IFT25: variants seen among roughly 807,000 people sequenced by gnomAD.
The protein encoded by IFT25 is intraflagellar transport 25.
the IFT25 span, chr1:53,923,656 G>A: frequency 5.3e-6 from 2 of 374,072 alleles, no homozygotes; most frequent in African/African-American, 4.2e-5. Flanking sequence ...GTAAATGAAT[G>A]AGAAAAATAA....
chr1:53,921,459 A>C, the IFT25 span: 1 of 532,090 alleles, frequency 1.9e-6, no homozygotes, highest in African/African-American at 1.9e-5. Context: ...CTGAAGCCAA[A>C]CCTTTCTAAT....
the IFT25 span, among the ~76,000 whole-genome samples, chr1:53,933,815 G>A: frequency 2.0e-5 from 3 of 151,802 alleles, no homozygotes; most frequent in African/African-American, 7.3e-5. Context: ...TCCTGTTTCT[G>A]AGTGAATAAT....
chr1:53,912,325 A>C, the IFT25 span, among the ~76,000 whole-genome samples: 3 of 152,218 alleles, frequency 2.0e-5, no homozygotes, highest in African/African-American at 7.2e-5. Context: ...ATTCTCTTCA[A>C]CTTAATGCAT....
chr1:53,918,276 T>C, the IFT25 span, among the ~76,000 whole-genome samples: 1 of 152,202 alleles, frequency 6.6e-6, no homozygotes, highest in African/African-American at 2.4e-5. Context: ...TTTAAATAAA[T>C]ATATTGTTAA....
At chr1:53,933,966 T>C in the IFT25 span, among the ~76,000 whole-genome samples, 1 of 152,216 alleles carries the variant, frequency 6.6e-6, no homozygotes, top group African/African-American at 2.4e-5. Flanking sequence ...TTTTGTGCCA[T>C]TGTTGTCATA....
the IFT25 span, chr1:53,921,584 G>T: frequency 1.1e-6 from 1 of 874,614 alleles, no homozygotes; most frequent in Non-Finnish European, 1.9e-6. Context: ...TTTTAATAAA[G>T]TATATCAGTG....
At chr1:53,912,387 C>T in the IFT25 span, among the ~76,000 whole-genome samples, 6 of 152,230 alleles carry the variant, frequency 3.9e-5, no homozygotes, top group Non-Finnish European at 5.9e-5. Context: ...CAAAGATGGA[C>T]GAGGAAGAGC....
chr1:53,932,287 T>A, the IFT25 span, among the ~76,000 whole-genome samples: 1 of 151,506 alleles, frequency 6.6e-6, no homozygotes, highest in Admixed American at 6.6e-5. Flanking sequence ...TGAGCTGAGA[T>A]TGCACCACTG....
chr1:53,911,738 A>G, the IFT25 span, among the ~76,000 whole-genome samples: 1 of 152,130 alleles, frequency 6.6e-6, no homozygotes, highest in Non-Finnish European at 1.5e-5. Flanking sequence ...CTCTAACTTC[A>G]AGGCCAGAGT....
chr1:53,929,920 A>G, the IFT25 span: 5 of 1,364,204 alleles, frequency 3.7e-6, no homozygotes, highest in Admixed American at 3.8e-5. Flanking sequence ...TGTTTTGCCA[A>G]AAGTTTACAT....
chr1:53,912,355 CT>C, the IFT25 span, among the ~76,000 whole-genome samples: 1 of 152,178 alleles, frequency 6.6e-6, no homozygotes, highest in South Asian at 2.1e-4. Flanking sequence ...AGCATTGATT[CT>C]TTTCTGGGTG....
the IFT25 span, among the ~76,000 whole-genome samples, chr1:53,941,579 C>CT: frequency 1.3e-5 from 2 of 152,102 alleles, no homozygotes; most frequent in South Asian, 4.1e-4. Flanking sequence ...GTTTTCGACA[C>CT]TATTGATACC....
the IFT25 span, chr1:53,945,835 T>TGCCCTCAGCCCCGCCCCACCCC: frequency 4.3e-5 from 1 of 23,240 alleles, no homozygotes; most frequent in Non-Finnish European, 8.6e-5. Context: ...GGCCCCGCCC[T>TGCCCTCAGCCCCGCCCCACCCC]GCCCTCAGCC....
At chr1:53,945,196 G>A in the IFT25 span, among the ~76,000 whole-genome samples, 3 of 152,174 alleles carry the variant, frequency 2.0e-5, no homozygotes, top group Admixed American at 6.5e-5. Context: ...ATATATAAAT[G>A]CCCCCGACCT....
At chr1:53,912,753 C>T in the IFT25 span, among the ~76,000 whole-genome samples, 1 of 152,190 alleles carries the variant, frequency 6.6e-6, no homozygotes, top group African/African-American at 2.4e-5. Flanking sequence ...CAGTTGCTAG[C>T]CATAGGCCAG....
the IFT25 span, among the ~76,000 whole-genome samples, chr1:53,917,471 A>G: frequency 6.6e-6 from 1 of 152,184 alleles, no homozygotes; most frequent in Non-Finnish European, 1.5e-5. Context: ...TAAAGCCAGT[A>G]TCACACATAG....
At chr1:53,924,119 A>C in the IFT25 span, among the ~76,000 whole-genome samples, 2 of 152,220 alleles carry the variant, frequency 1.3e-5, no homozygotes, top group African/African-American at 4.8e-5. Context: ...TATGATACAC[A>C]AGGCAAAAAA....
the IFT25 span, chr1:53,946,060 C>T: frequency 6.6e-6 from 1 of 152,610 alleles, no homozygotes; most frequent in African/African-American, 2.4e-5. Context: ...CAATCGGCCC[C>T]GCCCTCTCCG....
At chr1:53,913,986 T>C in the IFT25 span, among the ~76,000 whole-genome samples, 1 of 152,224 alleles carries the variant, frequency 6.6e-6, no homozygotes, top group African/African-American at 2.4e-5. Flanking sequence ...ACCCAGTTTA[T>C]GGTATTTTGT....
Sources: allele counts gnomAD v4.1 joint callset (sites outside exome capture counted in the v4.1 genomes callset), GRCh38; gene constraint gnomAD v4.1.1; transcripts MANE v1.5; gene names NCBI Gene and HGNC (gene_info 2026-07-23, HGNC 2026-07-21).